Variants in AGBL1 observed in about 807,000 individuals in gnomAD.
AGBL1 encodes AGBL carboxypeptidase 1.
In AGBL1, 130 loss-of-function variants were observed where a neutral mutation model predicts 118.9. The ratio of observed to expected loss-of-function variants is 1.09; its 90% CI spans 0.95 to 1.26. The LOEUF is 1.26. AGBL1 is among the 50% of genes most tolerant of loss of function. The probability of loss-of-function intolerance (pLI) is 0.00; values close to 1 mark genes in which losing one functional copy is unlikely to be tolerated. For synonymous variants in AGBL1, 555 were observed against 478.9 expected, an observed-to-expected ratio of 1.16 and a Z score of -2.08; for missense variants, 1,584 against 1,298.1, an observed-to-expected ratio of 1.22 and a Z score of -3.38.
intron 16 of AGBL1, among the ~76,000 whole-genome samples, chr15:86,286,556 T>A (rs1387153512): frequency 6.6e-6 from 1 of 151,846 alleles, no homozygotes; most frequent in Admixed American, 6.6e-5. Context: ...ATAAGTGAGA[T>A]CAGGTGGTTA....
chr15:86,584,050 G>A (rs1191021753), intron 21 of AGBL1, among the ~76,000 whole-genome samples: 2 of 151,882 alleles, frequency 1.3e-5, no homozygotes, highest in Non-Finnish European at 2.9e-5. Flanking sequence ...TTTGTTGCTT[G>A]TTAGATTAAG....
At chr15:86,183,266 G>A (rs1025308119) in intron 5 of AGBL1, among the ~76,000 whole-genome samples, 9 of 151,852 alleles carry the variant, frequency 5.9e-5, no homozygotes, top group African/African-American at 1.5e-4. Context: ...CTTTCTAAAG[G>A]GTAAATAACA....
chr15:86,960,477 CA>C (rs1446640815), intron 23 of AGBL1, among the ~76,000 whole-genome samples: 1 of 151,888 alleles, frequency 6.6e-6, no homozygotes, highest in Non-Finnish European at 1.5e-5. Flanking sequence ...ATCAAAAAGT[CA>C]AAACATTAGT....
At chr15:86,666,943 T>C (rs1314885995) in intron 21 of AGBL1, among the ~76,000 whole-genome samples, 1 of 152,164 alleles carries the variant, frequency 6.6e-6, no homozygotes, top group Non-Finnish European at 1.5e-5. Context: ...TGCCAGGCTA[T>C]CTTCTCAGGT....
At chr15:86,614,909 T>G (rs905195632) in intron 21 of AGBL1, among the ~76,000 whole-genome samples, 6 of 152,188 alleles carry the variant, frequency 3.9e-5, no homozygotes, top group Admixed American at 2.6e-4. Context: ...TTTCTGAAGG[T>G]GACAACCAAA....
chr15:86,159,588 C>T (rs753198870), intron 5 of AGBL1, among the ~76,000 whole-genome samples: 4 of 151,920 alleles, frequency 2.6e-5, no homozygotes, highest in Non-Finnish European at 5.9e-5. Context: ...TTCTCCCTGC[C>T]TCTGCTTGCT....
chr15:86,732,932 T>G (rs994343557), intron 22 of AGBL1, among the ~76,000 whole-genome samples: 1 of 149,838 alleles, frequency 6.7e-6, no homozygotes, highest in African/African-American at 2.4e-5. Context: ...GATTTGTAGA[T>G]ATATATATAG....
chr15:86,833,806 A>G (rs189844155), intron 22 of AGBL1, among the ~76,000 whole-genome samples: 21 of 152,270 alleles, frequency 1.4e-4, no homozygotes, highest in Admixed American at 1.3e-3. Context: ...AGTACTTAAG[A>G]TACATGGGTC....
intron 22 of AGBL1, among the ~76,000 whole-genome samples, chr15:86,817,199 G>A (rs1319306266): frequency 6.6e-6 from 1 of 151,380 alleles, no homozygotes; most frequent in Non-Finnish European, 1.5e-5. Context: ...GGCTGAGGCA[G>A]CAGAATTGCT....
intron 22 of AGBL1, among the ~76,000 whole-genome samples, chr15:86,882,728 C>A (rs12914139): frequency 0.14 from 21,886 of 151,948 alleles, 1,823 homozygotes; most frequent in South Asian, 0.23. Context: ...TTGTCTGGAC[C>A]CTTTCTGATA....
intron 22 of AGBL1, among the ~76,000 whole-genome samples, chr15:86,802,780 C>T (rs2078668117): frequency 6.6e-6 from 1 of 152,088 alleles, no homozygotes; most frequent in African/African-American, 2.4e-5. Flanking sequence ...TATTTGTGGT[C>T]AGACAGACCT....
intron 10 of AGBL1, 30 bp downstream of exon 10, chr15:86,262,924 G>A (rs894736461): frequency 2.6e-6 from 4 of 1,511,132 alleles, no homozygotes; most frequent in Admixed American, 3.8e-5. Flanking sequence ...TCTGATCTTT[G>A]ACGATGCATG....
At chr15:86,721,480 G>A (rs1395273421) in intron 22 of AGBL1, among the ~76,000 whole-genome samples, 1 of 152,060 alleles carries the variant, frequency 6.6e-6, no homozygotes, top group Non-Finnish European at 1.5e-5. Context: ...CAATAAATTA[G>A]GTATTGATGG....
downstream of AGBL1, among the ~76,000 whole-genome samples, chr15:87,031,155 G>GCTTTGTGTAT (rs1322462127): frequency 2.6e-5 from 4 of 151,898 alleles, no homozygotes; most frequent in Admixed American, 6.6e-5. Context: ...TCATGTGTCA[G>GCTTTGTGTAT]CTTTGTGTAT....
At chr15:86,927,622 C>T (rs1035498167) in intron 23 of AGBL1, among the ~76,000 whole-genome samples, 1 of 152,044 alleles carries the variant, frequency 6.6e-6, no homozygotes, top group African/African-American at 2.4e-5. Context: ...TAAAAAGTTA[C>T]TTTAGGCTAA....
At chr15:86,935,723 A>G (rs1262298197) in intron 23 of AGBL1, among the ~76,000 whole-genome samples, 2 of 152,210 alleles carry the variant, frequency 1.3e-5, no homozygotes, top group East Asian at 3.9e-4. Flanking sequence ...TAAAAATGAA[A>G]TCTTGTTGTT....
Position 86,636,078 on chromosome 15 carries a change from A to T in AGBL1, c.2995-38195A>T, listed in dbSNP as rs562466912. ...AAATCATCTCCTCCTCAGTGTGATG[A>T]TCAAAATGTCCAGGAACACTGCTTT... On this transcript the variant is annotated intron_variant, in intron 21 of 22. Transcript: ENST00000614907. Among the ~76,000 whole-genome samples, 4 of 152,320 alleles carry T rather than the reference A, an allele frequency of 2.6e-5. No individual in the cohort carries two copies. In the South Asian group the frequency reaches 8.3e-4, roughly 32 times the overall value.
At chr15:86,667,823 TTAATC>T (rs2085673886) in intron 21 of AGBL1, among the ~76,000 whole-genome samples, 1 of 152,222 alleles carries the variant, frequency 6.6e-6, no homozygotes, top group African/African-American at 2.4e-5. Flanking sequence ...GCTCATCATT[TTAATC>T]TAATCTGTTG....
chr15:86,736,303 C>T (rs2077597933), intron 22 of AGBL1, among the ~76,000 whole-genome samples: 1 of 151,982 alleles, frequency 6.6e-6, no homozygotes, highest in African/African-American at 2.4e-5. Flanking sequence ...TGGCTTGAAC[C>T]CGGGAGGCGG....
Sources: gnomAD v4.1 joint callset for allele counts (sites outside exome capture counted in the v4.1 genomes callset) on GRCh38, gnomAD v4.1.1 for gene constraint, MANE v1.5 for transcripts, NCBI Gene and HGNC (gene_info 2026-07-23, HGNC 2026-07-21) for gene names.